Variants in TANC1 observed in about 807,000 individuals in gnomAD.
TANC1 encodes the protein tetratricopeptide repeat, ankyrin repeat and coiled-coil containing 1.
In TANC1, 77 loss-of-function variants were observed where a neutral mutation model predicts 149.7. That is an observed-to-expected ratio of 0.51 (90% confidence interval 0.43 to 0.62). The LOEUF (loss-of-function observed/expected upper bound fraction) is 0.62, where lower values mean the gene tolerates loss of function less well. TANC1 is among the 20% of genes least tolerant of loss of function. The probability of loss-of-function intolerance (pLI) is 0.00; values close to 1 mark genes in which losing one functional copy is unlikely to be tolerated. For synonymous variants in TANC1, 854 were observed against 925.0 expected (o/e 0.92, Z 1.39); for missense variants, 1,985 against 2,321.8 (o/e 0.85, Z 2.98).
chr2:159,041,611 C>CT (rs1196381271), intron 2 of TANC1, among the ~76,000 whole-genome samples: 2 of 152,252 alleles, frequency 1.3e-5, no homozygotes, highest in Admixed American at 1.3e-4. Flanking sequence ...ATATAATCTC[C>CT]TGGTGTGCCG....
chr2:159,129,293 C>T (rs1158204542), intron 4 of TANC1, among the ~76,000 whole-genome samples: 4 of 152,176 alleles, frequency 2.6e-5, no homozygotes, highest in Non-Finnish European at 5.9e-5. Context: ...TGGTTTATTT[C>T]TACCATCTCT....
intron 1 of TANC1, among the ~76,000 whole-genome samples, chr2:158,989,251 A>G (rs949621618): frequency 6.6e-6 from 1 of 152,238 alleles, no homozygotes; most frequent in Non-Finnish European, 1.5e-5. Context: ...GCTCATGCCT[A>G]TAATTTCAGT....
At chr2:159,191,996 C>T (rs182541211) in intron 16 of TANC1, among the ~76,000 whole-genome samples, 1 of 151,860 alleles carries the variant, frequency 6.6e-6, no homozygotes, top group African/African-American at 2.4e-5. Flanking sequence ...AAAGGAGCAT[C>T]ATTTGTATCT....
chr2:159,185,928 T>A (rs1352436870), intron 15 of TANC1, 29 bp downstream of exon 15: 1 of 1,514,102 alleles, frequency 6.6e-7, no homozygotes, highest in South Asian at 1.1e-5. Context: ...TGGGGAAGGG[T>A]TTCTTTGTTG....
intron 11 of TANC1, 110 bp downstream of exon 11, chr2:159,172,382 TA>T: frequency 1.0e-6 from 1 of 957,320 alleles, no homozygotes. Context: ...TGCTTAATGA[TA>T]AAGTATAGCT....
chr2:158,977,310 A>T (rs1896455), intron 1 of TANC1, among the ~76,000 whole-genome samples: 38,050 of 150,900 alleles, frequency 0.25, 5,365 homozygotes, highest in East Asian at 0.47. Context: ...TGGCTTAATT[A>T]AAAAAAAATT....
chr2:159,044,096 G>A (rs911790368), intron 2 of TANC1, among the ~76,000 whole-genome samples: 1 of 152,196 alleles, frequency 6.6e-6, no homozygotes, highest in Admixed American at 6.5e-5. Context: ...CTAACCGTGT[G>A]CTGAGATCTC....
At chr2:159,098,466 C>A (rs2046354570) in intron 4 of TANC1, among the ~76,000 whole-genome samples, 1 of 152,212 alleles carries the variant, frequency 6.6e-6, no homozygotes, top group African/African-American at 2.4e-5. Flanking sequence ...TTAAGTGACA[C>A]ATGACTGTAA....
At chr2:159,054,826 T>C (rs1369235478) in intron 2 of TANC1, among the ~76,000 whole-genome samples, 13 of 152,222 alleles carry the variant, frequency 8.5e-5, no homozygotes, top group Non-Finnish European at 1.0e-4. Flanking sequence ...TGATGGTTTA[T>C]TGTGTACTGT....
chr2:159,054,369 A>G (rs1188838904), intron 2 of TANC1, among the ~76,000 whole-genome samples: 3 of 152,180 alleles, frequency 2.0e-5, no homozygotes, highest in Non-Finnish European at 4.4e-5. Context: ...ATAGTGGTAA[A>G]TAAGGGGTGC....
chr2:159,202,148 G>C (rs1359761323), intron 19 of TANC1, among the ~76,000 whole-genome samples: 5 of 152,198 alleles, frequency 3.3e-5, no homozygotes, highest in Admixed American at 6.5e-5. Context: ...GGGAACAGCA[G>C]CCCCGTGGAG....
intron 3 of TANC1, among the ~76,000 whole-genome samples, chr2:159,088,994 G>T (rs2045249007): frequency 6.6e-6 from 1 of 152,188 alleles, no homozygotes; most frequent in Admixed American, 6.5e-5. Context: ...GGTGGTGGTT[G>T]GGGGAGGCTT....
intron 5 of TANC1, among the ~76,000 whole-genome samples, chr2:159,144,401 AGTCTCGCTCTGTCTCT>A (rs1341154629): frequency 1.3e-5 from 2 of 152,174 alleles, no homozygotes; most frequent in African/African-American, 4.8e-5. Flanking sequence ...TCTGAGACGG[AGTCTCGCTCTGTCTCT>A]CAGGCTGGAG....
chr2:159,084,033 T>C lies in TANC1; in HGVS notation c.62-13604T>C, dbSNP rs539365647. Among the ~76,000 whole-genome samples the C allele has an allele frequency of 1.4e-4, 21 of 152,264 alleles. No homozygotes were observed. The South Asian group carries it at 4.1e-3, about 30-fold the overall frequency. On this transcript the variant is annotated intron_variant, in intron 3 of 26. Coordinates refer to ENST00000263635, the MANE Select transcript of TANC1 (RefSeq NM_033394.3). ...TTGGGAGGCCGAGGCGGGCGGATCA[T>C]GAGGTCAGGAGTTCGAGACCATCCT...
At chr2:159,052,143 G>A (rs1313967857) in intron 2 of TANC1, among the ~76,000 whole-genome samples, 1 of 152,144 alleles carries the variant, frequency 6.6e-6, no homozygotes, top group Non-Finnish European at 1.5e-5. Context: ...TTCAAAAAGA[G>A]TGAGGAGAGC....
intron 5 of TANC1, among the ~76,000 whole-genome samples, chr2:159,136,930 A>G (rs1366484596): frequency 6.6e-6 from 1 of 152,232 alleles, no homozygotes; most frequent in East Asian, 1.9e-4. Flanking sequence ...TTATTTTAAA[A>G]AATCAATTCA....
At chr2:159,201,748 A>G (rs1019919667) in intron 19 of TANC1, among the ~76,000 whole-genome samples, 6 of 152,222 alleles carry the variant, frequency 3.9e-5, no homozygotes, top group Admixed American at 6.5e-5. Flanking sequence ...ATAACAGTTC[A>G]TTATTTATTT....
chr2:159,138,216 C>A (rs2050968410), intron 5 of TANC1, among the ~76,000 whole-genome samples: 1 of 152,144 alleles, frequency 6.6e-6, no homozygotes. Flanking sequence ...CAGGACCAGA[C>A]ATTTCGGTTT....
At chr2:159,145,529 C>G (rs762709592) in intron 5 of TANC1, among the ~76,000 whole-genome samples, 1 of 152,142 alleles carries the variant, frequency 6.6e-6, no homozygotes, top group Non-Finnish European at 1.5e-5. Context: ...ACTGAGAACA[C>G]CCTGGATTCC....
Sources: gnomAD v4.1 joint callset for allele counts (sites outside exome capture counted in the v4.1 genomes callset) on GRCh38, gnomAD v4.1.1 for gene constraint, MANE v1.5 for transcripts, NCBI Gene and HGNC (gene_info 2026-07-23, HGNC 2026-07-21) for gene names.